The following NCKAP5 variants were observed in gnomAD, a reference collection of about 807,000 sequenced individuals.
NCKAP5 encodes nck-associated protein 5.
In NCKAP5, 92 loss-of-function variants were observed where a neutral mutation model predicts 167.0. The observed-to-expected ratio is 0.55, with a 90% CI of 0.47 to 0.66. The LOEUF (loss-of-function observed/expected upper bound fraction) is 0.66. Among genes scored for constraint, NCKAP5 ranks in the 30% least tolerant of loss-of-function variants. The pLI is 0.00. For synonymous variants in NCKAP5, 891 were observed against 877.4 expected (o/e 1.02, Z -0.27); for missense variants, 2,378 against 2,315.0 (o/e 1.03, Z -0.56).
At chr2:133,617,127 A>G in the NCKAP5 span, among the ~76,000 whole-genome samples, 2 of 152,216 alleles carry the variant, frequency 1.3e-5, no homozygotes, top group East Asian at 3.9e-4. Flanking sequence ...AACTCTCAAT[A>G]AATTAGGTAT....
rs761779929 is a variant in NCKAP5 at position 132,784,895 on chromosome 2, G to C, written c.1916C>G (p.Pro639Arg). The part of the protein sequence containing the change: ...GSPEEEEKQV[P>R]IPSETRPKTF... ...CTTTGGCCTAGTCTCTGAAGGGATG[G>C]GCACTTGTTTTTCCTCCTCTTCAGG... Residue 639 changes from proline (P) to arginine (R), a missense_variant, in exon 14 of 20, where the codon CCC becomes CGC. This residue lies in a region of NCKAP5 where 1,049 missense variants were observed against 1,023.4 expected (regional missense o/e 1.02). Coordinates refer to ENST00000409261, the MANE Select transcript of NCKAP5 (RefSeq NM_207363.3). 1 of 1,568,170 alleles carries C rather than the reference G, an allele frequency of 6.4e-7. No individual in the cohort carries two copies. Among genetic ancestry groups the C allele is most frequent in the East Asian group, 2.2e-5 (1 of 44,492 alleles).
the NCKAP5 span, among the ~76,000 whole-genome samples, chr2:133,616,109 C>A: frequency 6.6e-6 from 1 of 151,836 alleles, no homozygotes; most frequent in African/African-American, 2.4e-5. Flanking sequence ...CCAACGAGAA[C>A]AAAGACACTA....
chr2:132,958,372 A>G lies in NCKAP5; in HGVS notation c.579+5348T>C, dbSNP rs114814874. On this transcript the variant is annotated intron_variant, in intron 8 of 19. Coordinates refer to ENST00000409261, the MANE Select transcript of NCKAP5 (RefSeq NM_207363.3). Reference sequence around the variant, plus strand: ...ATATTGTTTGTTTGAATCTAAAAACAACAACAAAAAATACCTTCTACCTGG... The same window carrying G: ...ATATTGTTTGTTTGAATCTAAAAACGACAACAAAAAATACCTTCTACCTGG... Among the ~76,000 whole-genome samples, 1,147 of 152,310 alleles carry G rather than the reference A, an allele frequency of 7.5e-3. 12 individuals carry two copies. Among genetic ancestry groups the G allele is most frequent in the African/African-American group, 0.025 (1,040 of 41,572 alleles).
At chr2:133,031,723 G>A (rs922764999) in intron 6 of NCKAP5, among the ~76,000 whole-genome samples, 1 of 152,052 alleles carries the variant, frequency 6.6e-6, no homozygotes, top group Non-Finnish European at 1.5e-5. Context: ...TACTTGAGGA[G>A]AGGAGAGGGA....
intron 3 of NCKAP5, among the ~76,000 whole-genome samples, chr2:133,366,179 A>G (rs1685447535): frequency 6.6e-6 from 1 of 152,236 alleles, no homozygotes; most frequent in Non-Finnish European, 1.5e-5. Flanking sequence ...TTGAGTAACA[A>G]TGACTATTCT....
chr2:133,536,738 T>G (rs1685793787), intron 2 of NCKAP5, among the ~76,000 whole-genome samples: 1 of 151,992 alleles, frequency 6.6e-6, no homozygotes, highest in Non-Finnish European at 1.5e-5. Flanking sequence ...TATTTGCAAA[T>G]ATTTTCTCCT....
the NCKAP5 span, among the ~76,000 whole-genome samples, chr2:133,604,538 G>A: frequency 6.6e-6 from 1 of 152,026 alleles, no homozygotes; most frequent in South Asian, 2.1e-4. Context: ...GGACACGTGG[G>A]GGGAATTCTA....
chr2:133,167,443 T>C (rs1256518480), intron 5 of NCKAP5, among the ~76,000 whole-genome samples: 4 of 152,320 alleles, frequency 2.6e-5, no homozygotes, highest in Admixed American at 2.0e-4. Context: ...CAAAGTTCTT[T>C]AGTTCACAAA....
At chr2:133,441,516 C>T (rs73957099) in intron 3 of NCKAP5, among the ~76,000 whole-genome samples, 15,607 of 152,196 alleles carry the variant, frequency 0.1, 1,521 homozygotes, top group East Asian at 0.25. Context: ...GGATACAAAA[C>T]ATTTACCAAG....
Position 133,312,608 on chromosome 2 carries a change from G to A in NCKAP5, c.70-9498C>T, listed in dbSNP as rs977067428. On this transcript the variant is annotated intron_variant, in intron 3 of 19. Coordinates refer to ENST00000409261, the MANE Select transcript of NCKAP5 (RefSeq NM_207363.3). ...CCCTGGCCAGAAACGGTGAAGCCTT[G>A]GGCTCAGAGACAGTCCTACATGCTA... Among the ~76,000 whole-genome samples the A allele has an allele frequency of 2.6e-5, 4 of 152,106 alleles. No individual in the cohort carries two copies. The East Asian group carries it at 7.7e-4, about 29-fold the overall frequency.
At chr2:132,984,253 C>T (rs868675805) in intron 7 of NCKAP5, among the ~76,000 whole-genome samples, 5 of 152,300 alleles carry the variant, frequency 3.3e-5, no homozygotes, top group Middle Eastern at 3.4e-3. Flanking sequence ...GTCTCAGCTG[C>T]CGGAGACTCT....
intron 2 of NCKAP5, among the ~76,000 whole-genome samples, chr2:133,547,682 G>T (rs910032321): frequency 4.6e-5 from 7 of 151,096 alleles, no homozygotes; most frequent in African/African-American, 1.5e-4. Flanking sequence ...CTGTTAGAAG[G>T]AAAACTAACA....
At chr2:133,370,676 G>C (rs1685744988) in intron 3 of NCKAP5, among the ~76,000 whole-genome samples, 1 of 149,488 alleles carries the variant, frequency 6.7e-6, no homozygotes, top group Admixed American at 6.7e-5. Flanking sequence ...AGTTAATGAA[G>C]TCAATTTAAA....
chr2:133,197,705 C>G (rs865988101), intron 5 of NCKAP5, among the ~76,000 whole-genome samples: 7 of 152,154 alleles, frequency 4.6e-5, no homozygotes, highest in African/African-American at 1.7e-4. Flanking sequence ...AATCCCAGCA[C>G]TTTGGGAGGC....
intron 8 of NCKAP5, among the ~76,000 whole-genome samples, chr2:132,920,712 TATATATG>T (rs1296318090): frequency 1.9e-4 from 19 of 97,660 alleles, no homozygotes; most frequent in Admixed American, 1.5e-3. Flanking sequence ...CGTATATGTA[TATATATG>T]TATATATATA....
intron 6 of NCKAP5, among the ~76,000 whole-genome samples, chr2:132,999,275 A>T (rs1207395573): frequency 6.6e-6 from 1 of 152,208 alleles, no homozygotes; most frequent in African/African-American, 2.4e-5. Context: ...CTTGCTTAAG[A>T]AGGGCACTAA....
chr2:133,053,431 C>T lies in NCKAP5; in HGVS notation c.342-59192G>A, dbSNP rs78307238. Among the ~76,000 whole-genome samples the T allele has an allele frequency of 1.3e-3, 193 of 152,266 alleles. 1 individual carries two copies. Among genetic ancestry groups the T allele is most frequent in the African/African-American group, 4.3e-3 (180 of 41,546 alleles). On this transcript the variant is annotated intron_variant, in intron 6 of 19. Coordinates refer to ENST00000409261, the MANE Select transcript of NCKAP5 (RefSeq NM_207363.3). ...CAGGGACGTGCTTGCTATCTACTTGCGAACTATCCTAATCACAACTCTACT... is the reference window on the plus strand; with the variant it reads ...CAGGGACGTGCTTGCTATCTACTTGTGAACTATCCTAATCACAACTCTACT...
rs370321568 is a variant in NCKAP5 at position 133,116,262 on chromosome 2, C to A, written c.341+13716G>T. ...CAGCACTTTGGGAGGCCGAGGCGGGCGGATCACGAGGTCAGGAGATCGAGA... is the reference window on the plus strand; with the variant it reads ...CAGCACTTTGGGAGGCCGAGGCGGGAGGATCACGAGGTCAGGAGATCGAGA... On this transcript the variant is annotated intron_variant, in intron 6 of 19. Coordinates refer to ENST00000409261, the MANE Select transcript of NCKAP5 (RefSeq NM_207363.3). Among the ~76,000 whole-genome samples, 4 of 85,758 alleles carry A rather than the reference C, an allele frequency of 4.7e-5. 2 individuals carry two copies. The highest frequency in any genetic ancestry group is 2.5e-4 in the Admixed American group (2 of 8,094). 56.3% of individuals were successfully genotyped at this position (85,758 alleles called of 152,430 possible). A position where few individuals can be genotyped will look rare whatever the true frequency, so the allele number is the denominator to read the frequency against.
chr2:133,238,577 A>G (rs1449224376), intron 4 of NCKAP5, among the ~76,000 whole-genome samples: 1 of 152,156 alleles, frequency 6.6e-6, no homozygotes, highest in Non-Finnish European at 1.5e-5. Context: ...ACTTACTTAC[A>G]TTTGTCTAGT....
Sources: gnomAD v4.1 joint callset for allele counts (sites outside exome capture counted in the v4.1 genomes callset) on GRCh38, gnomAD v4.1.1 for gene constraint, gnomAD v4.1.1 regional missense constraint, MANE v1.5 for transcripts, NCBI Gene and HGNC (gene_info 2026-07-23, HGNC 2026-07-21) for gene names.